The following SPAG16 variants were observed in gnomAD, a reference collection of about 807,000 sequenced individuals.
SPAG16 encodes the protein sperm-associated antigen 16 protein.
Under a neutral mutation model 80.4 loss-of-function variants are expected in SPAG16, and 86 were observed. The observed-to-expected ratio is 1.07, with a 90% CI of 0.90 to 1.28. The LOEUF (loss-of-function observed/expected upper bound fraction) is 1.28, where lower values mean the gene tolerates loss of function less well. Ranked by LOEUF, SPAG16 falls within the 50% of genes most tolerant of loss-of-function variation. The pLI is 0.00. For synonymous variants in SPAG16, 294 were observed against 265.9 expected (o/e 1.11, Z -1.03); for missense variants, 870 against 765.3 (o/e 1.14, Z -1.61).
intron 10 of SPAG16, among the ~76,000 whole-genome samples, chr2:213,855,591 A>G (rs1269364103): frequency 6.6e-6 from 1 of 152,210 alleles, no homozygotes; most frequent in African/African-American, 2.4e-5. Flanking sequence ...GAGACTGGGA[A>G]ATTTATGAAG....
At chr2:214,272,864 C>CA (rs958123862) in intron 15 of SPAG16, among the ~76,000 whole-genome samples, 1 of 151,412 alleles carries the variant, frequency 6.6e-6, no homozygotes, top group Non-Finnish European at 1.5e-5. Flanking sequence ...GAGGAATCAC[C>CA]ACACTGTCTT....
chr2:213,980,581 T>C (rs2045675108), intron 12 of SPAG16, among the ~76,000 whole-genome samples: 1 of 132,694 alleles, frequency 7.5e-6, no homozygotes, highest in African/African-American at 2.8e-5. Context: ...AGAGTATATG[T>C]ATATATAGAA....
At chr2:213,516,407 A>C (rs1212547510) in intron 10 of SPAG16, among the ~76,000 whole-genome samples, 1 of 152,086 alleles carries the variant, frequency 6.6e-6, no homozygotes, top group Non-Finnish European at 1.5e-5. Context: ...CTTTTTCTTA[A>C]AAAAATGAAC....
At chr2:214,032,925 T>C (rs2048491424) in intron 13 of SPAG16, among the ~76,000 whole-genome samples, 1 of 152,198 alleles carries the variant, frequency 6.6e-6, no homozygotes, top group Non-Finnish European at 1.5e-5. Flanking sequence ...GCTTTTTTTA[T>C]GTTATACAAA....
chr2:214,167,278 G>A (rs1186956525), intron 15 of SPAG16, among the ~76,000 whole-genome samples: 1 of 151,986 alleles, frequency 6.6e-6, no homozygotes, highest in African/African-American at 2.4e-5. Context: ...CGCTCTCCTT[G>A]GAAAAACTTG....
At chr2:213,512,293 TAGAG>T (rs1243579939) in intron 10 of SPAG16, among the ~76,000 whole-genome samples, 1 of 152,140 alleles carries the variant, frequency 6.6e-6, no homozygotes, top group Admixed American at 6.5e-5. Flanking sequence ...ATGATAAAGT[TAGAG>T]AGACAGACAA....
chr2:214,258,105 C>T (rs1690827203), intron 15 of SPAG16, among the ~76,000 whole-genome samples: 1 of 151,744 alleles, frequency 6.6e-6, no homozygotes. Flanking sequence ...TTTTATTTTT[C>T]ATTTCAGTAG....
intron 15 of SPAG16, among the ~76,000 whole-genome samples, chr2:214,306,793 A>T (rs1353396892): frequency 6.6e-6 from 1 of 152,114 alleles, no homozygotes; most frequent in Non-Finnish European, 1.5e-5. Flanking sequence ...GGATTTTTGT[A>T]TCAATATTCA....
chr2:214,396,634 C>T (rs1371238594), intron 15 of SPAG16, among the ~76,000 whole-genome samples: 1 of 151,872 alleles, frequency 6.6e-6, no homozygotes, highest in East Asian at 1.9e-4. Context: ...GTGTTTTGTT[C>T]TTAAGATTCT....
At chr2:214,173,269 T>C (rs961585150) in intron 15 of SPAG16, among the ~76,000 whole-genome samples, 1 of 152,136 alleles carries the variant, frequency 6.6e-6, no homozygotes, top group Non-Finnish European at 1.5e-5. Flanking sequence ...TGAATTAATT[T>C]TTGTATAAGG....
chr2:213,446,910 A>G (rs1055469749), intron 9 of SPAG16, among the ~76,000 whole-genome samples: 6 of 152,210 alleles, frequency 3.9e-5, no homozygotes, highest in African/African-American at 1.4e-4. Context: ...GATCAGCCAC[A>G]GGGGAATGGG....
chr2:213,351,534 A>C (rs2065325645), intron 7 of SPAG16, among the ~76,000 whole-genome samples: 1 of 152,196 alleles, frequency 6.6e-6, no homozygotes, highest in African/African-American at 2.4e-5. Flanking sequence ...AAATTTAAGA[A>C]AAAGAAACAA....
chr2:213,348,686 C>T (rs1005670131), intron 6 of SPAG16, among the ~76,000 whole-genome samples: 1 of 152,204 alleles, frequency 6.6e-6, no homozygotes, highest in East Asian at 1.9e-4. Context: ...TCTTTTCTTT[C>T]AGAATGTTGA....
intron 14 of SPAG16, among the ~76,000 whole-genome samples, chr2:214,141,390 C>G (rs1319127175): frequency 6.6e-6 from 1 of 151,710 alleles, no homozygotes; most frequent in Admixed American, 6.6e-5. Context: ...TCACCTGAAC[C>G]CAGGAGGCAG....
At chr2:213,447,999 C>A (rs1220477919) in intron 9 of SPAG16, among the ~76,000 whole-genome samples, 1 of 152,196 alleles carries the variant, frequency 6.6e-6, no homozygotes, top group Non-Finnish European at 1.5e-5. Context: ...ATTACAGTCA[C>A]GGCACTGGCC....
chr2:214,158,718 TAC>T (rs2056318638), intron 15 of SPAG16, among the ~76,000 whole-genome samples: 1 of 152,000 alleles, frequency 6.6e-6, no homozygotes, highest in Admixed American at 6.6e-5. Flanking sequence ...AGCGCTCTGA[TAC>T]AGTTACATAA....
intron 14 of SPAG16, among the ~76,000 whole-genome samples, chr2:214,148,077 A>G (rs1229456919): frequency 6.6e-6 from 1 of 152,182 alleles, no homozygotes; most frequent in Non-Finnish European, 1.5e-5. Flanking sequence ...GAAACTGTAC[A>G]TCAAATGGGA....
At chr2:213,724,204 AG>A (rs1359004697) in intron 10 of SPAG16, among the ~76,000 whole-genome samples, 1 of 152,188 alleles carries the variant, frequency 6.6e-6, no homozygotes, top group Non-Finnish European at 1.5e-5. Context: ...GTTATAGAAG[AG>A]TTTAAGGGTG....
chr2:213,419,286 T>G (rs779116073), intron 9 of SPAG16, among the ~76,000 whole-genome samples: 3 of 152,212 alleles, frequency 2.0e-5, no homozygotes, highest in African/African-American at 4.8e-5. Flanking sequence ...AACTTTCATT[T>G]CTCAGGACCT....
Sources: allele counts gnomAD v4.1 joint callset (sites outside exome capture counted in the v4.1 genomes callset), GRCh38; gene constraint gnomAD v4.1.1; transcripts MANE v1.5; gene names NCBI Gene and HGNC (gene_info 2026-07-23, HGNC 2026-07-21).